CACNA1C: variants seen among roughly 807,000 people sequenced by gnomAD.
The protein encoded by CACNA1C is calcium voltage-gated channel subunit alpha1 C.
CACNA1C carries 30 observed loss-of-function variants against 229.0 expected under a neutral mutation model. That is an observed-to-expected ratio of 0.13 (90% confidence interval 0.10 to 0.18). The LOEUF is 0.18. CACNA1C is among the 10% of genes least tolerant of loss of function. The pLI is 1.00. For synonymous variants in CACNA1C, 1,114 were observed against 1,132.5 expected (o/e 0.98, Z 0.33); for missense variants, 1,658 against 2,845.0 (o/e 0.58, Z 9.49).
chr12:2,554,027 C>T (rs528850593), intron 10 of CACNA1C, among the ~76,000 whole-genome samples: 15 of 152,234 alleles, frequency 9.9e-5, no homozygotes, highest in African/African-American at 3.4e-4. Flanking sequence ...ATATTAAAGG[C>T]GAATTTGGGA....
intron 1 of CACNA1C, among the ~76,000 whole-genome samples, chr12:2,005,153 A>G (rs2043162505): frequency 6.6e-6 from 1 of 152,076 alleles, no homozygotes; most frequent in South Asian, 2.1e-4. Context: ...AAAGAAAAAA[A>G]AAAAAAGAAG....
rs143139891 is a variant in CACNA1C at position 2,365,259 on chromosome 12, A to G, written c.478-83717A>G. ...TTAATTCCTGGAAGACTCTTAGGGT[A>G]TATTCTTTAAACAATAGTGTGTGTG... On this transcript the variant is annotated intron_variant, in intron 3 of 46. Coordinates refer to ENST00000399655, the MANE Select transcript of CACNA1C (RefSeq NM_000719.7). 3.0e-3 allele frequency among the ~76,000 whole-genome samples: 457 copies of G among 152,336 alleles called. 2 individuals carry two copies. Among genetic ancestry groups the G allele is most frequent in the Middle Eastern group, 0.014 (4 of 294 alleles).
chr12:2,312,407 A>C (rs1311046321), intron 3 of CACNA1C, among the ~76,000 whole-genome samples: 1 of 152,140 alleles, frequency 6.6e-6, no homozygotes, highest in Non-Finnish European at 1.5e-5. Context: ...CTTTATATGA[A>C]GCAAGGCAAC....
At chr12:2,375,300 G>A (rs1276647707) in intron 3 of CACNA1C, among the ~76,000 whole-genome samples, 1 of 152,168 alleles carries the variant, frequency 6.6e-6, no homozygotes, top group Non-Finnish European at 1.5e-5. Context: ...GATCTGCAAG[G>A]TACAAGCAGG....
chr12:2,509,613 G>T (rs1166789555), intron 8 of CACNA1C, among the ~76,000 whole-genome samples: 2 of 152,216 alleles, frequency 1.3e-5, no homozygotes, highest in Non-Finnish European at 2.9e-5. Flanking sequence ...TAATGCACGT[G>T]TTTTCTCTGT....
chr12:2,382,436 T>C (rs1185261981), intron 3 of CACNA1C, among the ~76,000 whole-genome samples: 1 of 152,246 alleles, frequency 6.6e-6, no homozygotes, highest in Non-Finnish European at 1.5e-5. Flanking sequence ...TGCAATCCTT[T>C]ATTTCCATTT....
At chr12:2,436,440 C>T (rs548765520) in intron 3 of CACNA1C, among the ~76,000 whole-genome samples, 26 of 152,310 alleles carry the variant, frequency 1.7e-4, no homozygotes, top group African/African-American at 6.0e-4. Flanking sequence ...ACAGCCTCAT[C>T]CTCTGCTCCA....
intron 1 of CACNA1C, among the ~76,000 whole-genome samples, chr12:2,113,872 A>C (rs973930745): frequency 2.6e-5 from 4 of 152,218 alleles, no homozygotes; most frequent in African/African-American, 4.8e-5. Context: ...GGACAGTCTC[A>C]GAGGCTTCGT....
chr12:2,560,652 G>A (rs947655850), intron 11 of CACNA1C, among the ~76,000 whole-genome samples: 2 of 152,106 alleles, frequency 1.3e-5, no homozygotes, highest in African/African-American at 4.8e-5. Flanking sequence ...ACCTCACGGG[G>A]TTCTGAAATT....
intron 42 of CACNA1C, 83 bp from the exon 43 acceptor site, chr12:2,682,467 T>C: frequency 2.6e-6 from 4 of 1,513,974 alleles, no homozygotes; most frequent in Non-Finnish European, 3.6e-6. Flanking sequence ...TGCATGTGTG[T>C]GCGTGTGTGA....
intron 27 of CACNA1C, among the ~76,000 whole-genome samples, chr12:2,609,383 G>A (rs889556916): frequency 6.6e-6 from 1 of 151,928 alleles, no homozygotes; most frequent in African/African-American, 2.4e-5. Context: ...AGTGCCCACG[G>A]GCAGGAGCGC....
chr12:2,142,615 G>T (rs765656959), intron 3 of CACNA1C, among the ~76,000 whole-genome samples: 1 of 151,360 alleles, frequency 6.6e-6, no homozygotes, highest in Non-Finnish European at 1.5e-5. Context: ...ACATGCAGCT[G>T]TGTATTATTT....
chr12:2,064,423 T>C (rs1056251777), intron 1 of CACNA1C, among the ~76,000 whole-genome samples: 4 of 151,976 alleles, frequency 2.6e-5, no homozygotes, highest in Non-Finnish European at 5.9e-5. Flanking sequence ...CTCCCTGGAC[T>C]GTGAGGGGGA....
At chr12:2,328,014 T>C (rs909140839) in intron 3 of CACNA1C, among the ~76,000 whole-genome samples, 3 of 152,188 alleles carry the variant, frequency 2.0e-5, no homozygotes, top group Non-Finnish European at 4.4e-5. Context: ...GAACATATCT[T>C]CCAGATGCCC....
Position 2,605,871 on chromosome 12 carries a change from C to T in CACNA1C, c.3156+85C>T, listed in dbSNP as rs773987501. The T allele has an allele frequency of 9.3e-5, 88 of 941,710 alleles. No individual in the cohort carries two copies. The Admixed American group carries it at 1.1e-3, about 11-fold the overall frequency. 58.3% of individuals were successfully genotyped at this position (941,710 alleles called of 1,614,324 possible). A position where few individuals can be genotyped will look rare whatever the true frequency, so the allele number is the denominator to read the frequency against. On this transcript the variant is annotated intron_variant, in intron 24 of 46. Transcript: ENST00000399655. The surrounding 1 kb of genome is among the most constrained non-coding windows in gnomAD (Gnocchi z 6.2). Reference sequence around the variant, plus strand: ...AGGGAACTGGCAGATATAGTACAAACGAGACAGTGTCCTGAGCCAGACTTG... The same window carrying T: ...AGGGAACTGGCAGATATAGTACAAATGAGACAGTGTCCTGAGCCAGACTTG...
intron 11 of CACNA1C, among the ~76,000 whole-genome samples, chr12:2,561,480 T>A (rs561281334): frequency 1.2e-4 from 19 of 152,304 alleles, no homozygotes; most frequent in African/African-American, 4.6e-4. Context: ...TTCTTGGATG[T>A]GTAACTAAAA....
chr12:2,626,388 C>T (rs1159737094), intron 29 of CACNA1C, among the ~76,000 whole-genome samples: 1 of 152,196 alleles, frequency 6.6e-6, no homozygotes, highest in African/African-American at 2.4e-5. Context: ...GTGGATTGGA[C>T]TGGAAGGGGT....
At chr12:2,439,009 T>C (rs893300866) in intron 3 of CACNA1C, among the ~76,000 whole-genome samples, 6 of 152,122 alleles carry the variant, frequency 3.9e-5, no homozygotes, top group African/African-American at 2.4e-5. Context: ...TCAGCCCTGA[T>C]TGGTAATATC....
intron 1 of CACNA1C, among the ~76,000 whole-genome samples, chr12:1,979,036 G>A (rs2154463544): frequency 6.6e-6 from 1 of 152,300 alleles, no homozygotes; most frequent in Non-Finnish European, 1.5e-5. Flanking sequence ...TGCTTTCGGA[G>A]TCTCACTCTG....
Sources: gnomAD v4.1 joint callset for allele counts (sites outside exome capture counted in the v4.1 genomes callset) on GRCh38, gnomAD v4.1.1 for gene constraint, Gnocchi (gnomAD v3.1) non-coding constraint, MANE v1.5 for transcripts, NCBI Gene and HGNC (gene_info 2026-07-23, HGNC 2026-07-21) for gene names.